ABCA13: variants seen among roughly 807,000 people sequenced by gnomAD.
The protein encoded by ABCA13 is ATP-binding cassette sub-family A member 13.
Under a neutral mutation model 478.7 loss-of-function variants are expected in ABCA13, and 476 were observed. The observed-to-expected ratio is 0.99, with a 90% CI of 0.92 to 1.07. The LOEUF is 1.07. Ranked by LOEUF, ABCA13 falls within the 50% of genes least tolerant of loss-of-function variation. ABCA13 has a pLI of 0.00. For missense variants in ABCA13, 6,060 were observed against 5,910.6 expected (o/e 1.03, Z -0.83); for synonymous variants, 2,252 against 2,158.9 (o/e 1.04, Z -1.20).
chr7:48,398,217 T>A (rs7806399), intron 38 of ABCA13, among the ~76,000 whole-genome samples: 27,231 of 152,194 alleles, frequency 0.18, 2,633 homozygotes, highest in Admixed American at 0.25. Flanking sequence ...TGTAATTTTT[T>A]AAAATGCATC....
At chr7:48,217,239 A>G (rs991366916) in intron 3 of ABCA13, among the ~76,000 whole-genome samples, 3 of 152,222 alleles carry the variant, frequency 2.0e-5, no homozygotes, top group African/African-American at 4.8e-5. Flanking sequence ...TGGGAGCAGT[A>G]ATGTGAGTCA....
chr7:48,639,748 A>G (rs1794970433), intron 59 of ABCA13, among the ~76,000 whole-genome samples: 1 of 152,192 alleles, frequency 6.6e-6, no homozygotes, highest in South Asian at 2.1e-4. Context: ...GTTATTTTCT[A>G]AAGTCTAAGA....
At chr7:48,438,884 G>GTTTT (rs59630845) in intron 42 of ABCA13, among the ~76,000 whole-genome samples, 1 of 139,400 alleles carries the variant, frequency 7.2e-6, no homozygotes, top group African/African-American at 2.7e-5. Flanking sequence ...TTTTGCTAAG[G>GTTTT]TTTTTTTTTT....
chr7:48,277,230 C>T (rs1462824176), intron 17 of ABCA13, among the ~76,000 whole-genome samples: 1 of 152,056 alleles, frequency 6.6e-6, no homozygotes, highest in African/African-American at 2.4e-5. Flanking sequence ...GAAGGGAGGC[C>T]CACAGTAGGC....
intron 48 of ABCA13, among the ~76,000 whole-genome samples, chr7:48,504,464 A>G (rs1831031291): frequency 6.6e-6 from 1 of 152,134 alleles, no homozygotes; most frequent in East Asian, 1.9e-4. Flanking sequence ...GGGGTGAAGA[A>G]GAGCAGGGAG....
At position 48,524,404 on chromosome 7, in the gene ABCA13, T is replaced by C. The variant is rs757829714; in HGVS notation, c.14208T>C (p.Ala4736=). Residue 4736 remains alanine (A), a synonymous_variant, in exon 54 of 62, where the codon GCT becomes GCC. Transcript: ENST00000435803. ...HYRRFFQNII[A]VQDISLGIPK... ...GACGCTTTTTCCAGAATATTATTGC[T>C]GTGCAAGATATTAGTTTGGGCATAC... 6 of 1,612,130 alleles carry C rather than the reference T, an allele frequency of 3.7e-6. No homozygotes were observed. Among genetic ancestry groups the C allele is most frequent in the Non-Finnish European group, 4.2e-6 (5 of 1,179,150 alleles).
intron 31 of ABCA13, among the ~76,000 whole-genome samples, chr7:48,359,155 T>G (rs934217226): frequency 6.6e-6 from 1 of 151,908 alleles, no homozygotes; most frequent in Non-Finnish European, 1.5e-5. Flanking sequence ...TTATCCTGCT[T>G]GAGGAGACCT....
intron 55 of ABCA13, among the ~76,000 whole-genome samples, chr7:48,543,547 C>T (rs1017739277): frequency 1.4e-4 from 21 of 151,494 alleles, no homozygotes; most frequent in African/African-American, 5.1e-4. Context: ...TCGCTTGAAC[C>T]CAGGAGTCGG....
intron 3 of ABCA13, among the ~76,000 whole-genome samples, chr7:48,206,257 A>G (rs1227567090): frequency 1.3e-5 from 2 of 152,252 alleles, no homozygotes; most frequent in African/African-American, 4.8e-5. Flanking sequence ...CAGGGGTCAC[A>G]TAGAATTATA....
intron 55 of ABCA13, among the ~76,000 whole-genome samples, chr7:48,533,853 C>T (rs914890218): frequency 6.6e-6 from 1 of 151,976 alleles, no homozygotes; most frequent in Non-Finnish European, 1.5e-5. Context: ...TGGAATATCT[C>T]TTTCCACCCC....
chr7:48,626,941 G>A, intron 59 of ABCA13: 1 of 985,378 alleles, frequency 1.0e-6, no homozygotes, highest in Non-Finnish European at 1.2e-6. Context: ...AAAGTTGGGG[G>A]TGATTATTGC....
intron 43 of ABCA13, among the ~76,000 whole-genome samples, chr7:48,460,815 G>A (rs556356329): frequency 6.6e-6 from 1 of 152,212 alleles, no homozygotes; most frequent in South Asian, 2.1e-4. Context: ...AAGACTGACA[G>A]TGATTGTTGG....
chr7:48,469,307 G>A (rs1369663658), intron 44 of ABCA13, among the ~76,000 whole-genome samples: 1 of 152,160 alleles, frequency 6.6e-6, no homozygotes, highest in Non-Finnish European at 1.5e-5. Flanking sequence ...CATGGCTGGT[G>A]ACAGATTCCC....
chr7:48,259,744 A>G (rs1562899603), intron 15 of ABCA13, among the ~76,000 whole-genome samples: 1 of 151,894 alleles, frequency 6.6e-6, no homozygotes, highest in Admixed American at 6.6e-5. Flanking sequence ...GCGCCCAGTA[A>G]CTGTCTTTCA....
At position 48,528,283 on chromosome 7, in the gene ABCA13, CA is replaced by C; in HGVS notation, c.14296del (p.Met4766CysfsTer2). On this transcript the variant is annotated frameshift_variant, in exon 55 of 62. Coordinates refer to ENST00000435803, the MANE Select transcript of ABCA13 (RefSeq NM_152701.5). LOFTEE classifies it high-confidence loss of function. ...VNGAGKSTTF[K>X]MLNGEVSLTS... ...ATGGAGCTGGGAAGAGCACGACTTT[CA>C]AAATGCTGAATGGTGAAGTTTCTCT... is the stretch of plus-strand genomic sequence containing the variant. The C allele has an allele frequency of 6.3e-7, 1 of 1,580,000 alleles. No individual in the cohort carries two copies. The highest frequency in any genetic ancestry group is 8.6e-7 in the Non-Finnish European group (1 of 1,161,672).
At chr7:48,476,992 A>G (rs1214142018) in intron 45 of ABCA13, among the ~76,000 whole-genome samples, 1 of 152,202 alleles carries the variant, frequency 6.6e-6, no homozygotes, top group Non-Finnish European at 1.5e-5. Context: ...CTCAGTTACA[A>G]GGTGAGTGCA....
chr7:48,253,997 C>T (rs1792990687), intron 15 of ABCA13, among the ~76,000 whole-genome samples: 1 of 149,750 alleles, frequency 6.7e-6, no homozygotes, highest in Non-Finnish European at 1.5e-5. Context: ...TATTGTTCCT[C>T]CTGTTTTCTT....
chr7:48,297,142 C>A, intron 21 of ABCA13, 90 bp from the exon 22 acceptor site: 1 of 1,061,524 alleles, frequency 9.4e-7, no homozygotes, highest in Non-Finnish European at 1.4e-6. Context: ...TCCAGTCCAT[C>A]TCTTGGGAGC....
intron 29 of ABCA13, among the ~76,000 whole-genome samples, chr7:48,346,184 C>G (rs959997809): frequency 6.6e-5 from 10 of 152,088 alleles, no homozygotes; most frequent in African/African-American, 2.4e-4. Context: ...CAGAATGCAT[C>G]CTCATGATTA....
Sources: allele counts gnomAD v4.1 joint callset (sites outside exome capture counted in the v4.1 genomes callset), GRCh38; gene constraint gnomAD v4.1.1; transcripts MANE v1.5; gene names NCBI Gene and HGNC (gene_info 2026-07-23, HGNC 2026-07-21).